CALCR: variants seen among roughly 807,000 people sequenced by gnomAD.
CALCR encodes the protein calcitonin receptor.
A neutral mutation model predicts 59.5 loss-of-function variants in CALCR; 47 were observed. That is an observed-to-expected ratio of 0.79 (90% CI 0.63 to 1.01). The LOEUF (loss-of-function observed/expected upper bound fraction) is 1.01, where lower values mean the gene tolerates loss of function less well. Among genes scored for constraint, CALCR ranks in the 50% least tolerant of loss-of-function variants. The pLI, the probability that CALCR is intolerant of heterozygous loss-of-function variation, is 0.00. For synonymous variants in CALCR, 213 were observed against 211.3 expected (o/e 1.01, Z -0.07); for missense variants, 566 against 597.1 (o/e 0.95, Z 0.54).
intron 2 of CALCR, among the ~76,000 whole-genome samples, chr7:93,494,606 G>A (rs776902022): frequency 5.9e-5 from 9 of 151,384 alleles, no homozygotes; most frequent in Non-Finnish European, 1.2e-4. Flanking sequence ...GTAGATCTCT[G>A]CTCACCAAGC....
chr7:93,558,256 A>G (rs752813841), intron 2 of CALCR, among the ~76,000 whole-genome samples: 178 of 152,154 alleles, frequency 1.2e-3, no homozygotes, highest in Non-Finnish European at 2.2e-3. Flanking sequence ...TTTAGAAAGA[A>G]ATAAAACAAT....
chr7:93,564,086 T>A (rs1198052613), intron 2 of CALCR, among the ~76,000 whole-genome samples: 1 of 151,926 alleles, frequency 6.6e-6, no homozygotes, highest in African/African-American at 2.4e-5. Context: ...ACAACCTACT[T>A]TTTTTTTAGA....
intron 12 of CALCR, among the ~76,000 whole-genome samples, chr7:93,435,365 A>G (rs1407617338): frequency 6.6e-6 from 1 of 152,188 alleles, no homozygotes; most frequent in Non-Finnish European, 1.5e-5. Context: ...TCTATGACCA[A>G]GGAGAACATG....
intron 2 of CALCR, among the ~76,000 whole-genome samples, chr7:93,502,822 A>G (rs1174059580): frequency 6.6e-6 from 1 of 152,114 alleles, no homozygotes; most frequent in African/African-American, 2.4e-5. Flanking sequence ...TTGGTATGTT[A>G]TTACTTTAAA....
intron 2 of CALCR, among the ~76,000 whole-genome samples, chr7:93,561,901 G>A (rs1341083392): frequency 3.3e-5 from 5 of 151,750 alleles, no homozygotes; most frequent in Admixed American, 1.3e-4. Context: ...GATTCAGACC[G>A]TGAGCTCTGT....
chr7:93,438,332 G>A, intron 9 of CALCR, 62 bp from the exon 10 acceptor site: 1 of 1,221,466 alleles, frequency 8.2e-7, no homozygotes, highest in Non-Finnish European at 1.2e-6. Context: ...AAGTACAGCT[G>A]CATGGACAAT....
intron 2 of CALCR, among the ~76,000 whole-genome samples, chr7:93,518,914 A>G (rs1324760944): frequency 6.6e-6 from 1 of 151,932 alleles, no homozygotes; most frequent in African/African-American, 2.4e-5. Context: ...AAACAGTTTA[A>G]AGTGGTTTCC....
At chr7:93,529,361 TC>T (rs1276753979) in intron 2 of CALCR, among the ~76,000 whole-genome samples, 2 of 152,184 alleles carry the variant, frequency 1.3e-5, no homozygotes, top group Non-Finnish European at 2.9e-5. Context: ...CTTGGAAACT[TC>T]CTGAGGCTTC....
At chr7:93,473,159 A>G (rs1800591246) in intron 5 of CALCR, among the ~76,000 whole-genome samples, 1 of 151,832 alleles carries the variant, frequency 6.6e-6, no homozygotes, top group South Asian at 2.1e-4. Context: ...AGTATCTCAT[A>G]GATGCTAGTT....
intron 8 of CALCR, among the ~76,000 whole-genome samples, chr7:93,449,162 G>A (rs1378024384): frequency 2.6e-5 from 4 of 151,946 alleles, no homozygotes; most frequent in East Asian, 1.9e-4. Flanking sequence ...TATATGTTCA[G>A]CATGATCTCT....
At position 93,426,490 on chromosome 7, in the gene CALCR, C is replaced by T. The variant is rs1209637138; in HGVS notation, c.1291G>A (p.Ala431Thr). ...PSNRSARAAA[A>T]AAEAGDIPIY... ...GGGATGTCGCCAGCCTCCGCAGCAG[C>T]GGCTGCAGCGCGAGCAGAGCGGTTG... The change falls in exon 14 of 14, where the codon GCT becomes ACT. Residue 431 changes from alanine (A) to threonine (T), a missense_variant. Physicochemically the swap from Ala to Thr is moderately conservative, Grantham distance 58 (BLOSUM62 0). Coordinates refer to ENST00000426151, the MANE Select transcript of CALCR (RefSeq NM_001742.4). 3.7e-6 allele frequency: 6 copies of T among 1,613,516 alleles called. No individual in the cohort carries two copies. The highest frequency in any genetic ancestry group is 2.2e-5 in the South Asian group (2 of 91,060).
chr7:93,457,336 C>A (rs79948418), intron 8 of CALCR, among the ~76,000 whole-genome samples: 4,160 of 152,168 alleles, frequency 0.027, 208 homozygotes, highest in African/African-American at 0.095. Flanking sequence ...TTTTGTTATT[C>A]TCATTAGATG....
intron 5 of CALCR, among the ~76,000 whole-genome samples, chr7:93,474,935 G>A (rs985038241): frequency 4.0e-5 from 6 of 151,712 alleles, no homozygotes; most frequent in Non-Finnish European, 7.4e-5. Context: ...GAAGAACACT[G>A]CTATTGTTTA....
intron 2 of CALCR, among the ~76,000 whole-genome samples, chr7:93,509,911 ATT>A (rs1801507620): frequency 6.6e-6 from 1 of 152,116 alleles, no homozygotes; most frequent in Non-Finnish European, 1.5e-5. Context: ...TACTTACATC[ATT>A]TGTTTGACCT....
At chr7:93,486,900 G>A in intron 3 of CALCR, 31 bp downstream of exon 3, 1 of 1,278,490 alleles carries the variant, frequency 7.8e-7, no homozygotes, top group Non-Finnish European at 1.1e-6. Flanking sequence ...TTCTTCATTA[G>A]CATGGCTTTG....
intron 8 of CALCR, among the ~76,000 whole-genome samples, chr7:93,452,083 C>A (rs1012152094): frequency 6.6e-6 from 1 of 151,906 alleles, no homozygotes; most frequent in South Asian, 2.1e-4. Flanking sequence ...TGCTCACTAC[C>A]TGAGTGACAG....
intron 2 of CALCR, among the ~76,000 whole-genome samples, chr7:93,530,910 G>A (rs117547591): frequency 7.6e-4 from 115 of 152,146 alleles, no homozygotes; most frequent in South Asian, 1.5e-3. Context: ...TGTCAGAAAT[G>A]CAAATTCTCT....
At chr7:93,523,751 A>G (rs530877358) in intron 2 of CALCR, among the ~76,000 whole-genome samples, 28 of 152,236 alleles carry the variant, frequency 1.8e-4, no homozygotes, top group African/African-American at 6.5e-4. Flanking sequence ...ATAAGTATAA[A>G]CTATGCTATT....
chr7:93,565,334 G>C (rs1310842832), intron 2 of CALCR, among the ~76,000 whole-genome samples: 5 of 152,206 alleles, frequency 3.3e-5, no homozygotes, highest in Admixed American at 6.5e-5. Context: ...AAATGCTAGA[G>C]ATGCCTCTTT....
Sources: gnomAD v4.1 joint callset for allele counts (sites outside exome capture counted in the v4.1 genomes callset) on GRCh38, gnomAD v4.1.1 for gene constraint, MANE v1.5 for transcripts, NCBI Gene and HGNC (gene_info 2026-07-23, HGNC 2026-07-21) for gene names.